GLIS3: variants seen among roughly 807,000 people sequenced by gnomAD.
The protein encoded by GLIS3 is GLIS family zinc finger 3, also known as zinc finger protein GLIS3.
In GLIS3, 53 loss-of-function variants were observed where a neutral mutation model predicts 78.6. The observed-to-expected ratio is 0.67, with a 90% CI of 0.54 to 0.85. GLIS3 has a LOEUF of 0.85. GLIS3 is among the 40% of genes least tolerant of loss of function. The probability of loss-of-function intolerance (pLI) is 0.00; values close to 1 mark genes in which losing one functional copy is unlikely to be tolerated. For missense variants in GLIS3, 1,703 were observed against 1,231.1 expected (o/e 1.38, Z -5.74); for synonymous variants, 684 against 509.9 (o/e 1.34, Z -4.60).
At chr9:4,029,614 C>G (rs1033554245) in intron 4 of GLIS3, among the ~76,000 whole-genome samples, 10 of 151,894 alleles carry the variant, frequency 6.6e-5, no homozygotes, top group Admixed American at 5.9e-4. Context: ...CACCACCCTT[C>G]TCAGCCTATG....
At chr9:4,084,897 C>T (rs1588633343) in intron 4 of GLIS3, among the ~76,000 whole-genome samples, 1 of 151,782 alleles carries the variant, frequency 6.6e-6, no homozygotes, top group East Asian at 1.9e-4. Flanking sequence ...AAGCCTCTTG[C>T]ATTCATATTG....
At chr9:3,850,571 C>G (rs550153486) in intron 9 of GLIS3, among the ~76,000 whole-genome samples, 2 of 152,184 alleles carry the variant, frequency 1.3e-5, no homozygotes, top group African/African-American at 4.8e-5. Flanking sequence ...CCAACATAAT[C>G]CCAACAGTTA....
the GLIS3 span, among the ~76,000 whole-genome samples, chr9:4,468,221 A>G: frequency 6.6e-6 from 1 of 152,368 alleles, no homozygotes; most frequent in East Asian, 1.9e-4. Context: ...GCAGGATATT[A>G]TCCAGGAGAA....
intron 7 of GLIS3, 46 bp downstream of exon 7, chr9:3,898,645 C>A (rs374704177): frequency 1.2e-6 from 2 of 1,612,616 alleles, no homozygotes; most frequent in Non-Finnish European, 1.7e-6. Context: ...GAGTAAAAGG[C>A]CTAAAAAAGG....
intron 2 of GLIS3, among the ~76,000 whole-genome samples, chr9:4,226,672 T>C (rs1417743113): frequency 6.6e-6 from 1 of 152,214 alleles, no homozygotes. Context: ...AAGCCAAGTC[T>C]CCTTAGCTGG....
intron 2 of GLIS3, among the ~76,000 whole-genome samples, chr9:4,189,291 C>T (rs1332619168): frequency 2.6e-5 from 4 of 152,104 alleles, no homozygotes; most frequent in Non-Finnish European, 4.4e-5. Context: ...GTTCAGTTTC[C>T]ATGTAGCTGA....
chr9:4,242,255 G>T (rs565656580), intron 2 of GLIS3, among the ~76,000 whole-genome samples: 1 of 152,046 alleles, frequency 6.6e-6, no homozygotes, highest in African/African-American at 2.4e-5. Context: ...ACACAGGGCC[G>T]TCTTTTATCT....
chr9:3,868,952 T>C (rs1820792888), intron 8 of GLIS3, among the ~76,000 whole-genome samples: 1 of 152,186 alleles, frequency 6.6e-6, no homozygotes, highest in African/African-American at 2.4e-5. Context: ...ATGTGCTCTT[T>C]CTGTATGCAT....
intron 4 of GLIS3, among the ~76,000 whole-genome samples, chr9:3,989,099 T>C (rs1359403296): frequency 1.3e-5 from 2 of 152,084 alleles, no homozygotes; most frequent in African/African-American, 2.4e-5. Context: ...TGGGAAAAGA[T>C]ATTTAACTAA....
intron 4 of GLIS3, among the ~76,000 whole-genome samples, chr9:4,027,807 A>G (rs1823471769): frequency 6.6e-6 from 1 of 152,174 alleles, no homozygotes; most frequent in Non-Finnish European, 1.5e-5. Flanking sequence ...CTGTCTCTAA[A>G]TGAGAACAGA....
chr9:4,426,539 C>A, the GLIS3 span, among the ~76,000 whole-genome samples: 1 of 152,242 alleles, frequency 6.6e-6, no homozygotes, highest in Admixed American at 6.5e-5. Context: ...TTCTTTAAGA[C>A]TGTGTAAAAA....
chr9:4,189,028 C>T (rs1204216779), intron 2 of GLIS3, among the ~76,000 whole-genome samples: 1 of 151,938 alleles, frequency 6.6e-6, no homozygotes, highest in African/African-American at 2.4e-5. Flanking sequence ...TTATTTCTTG[C>T]CTTCTGCTAG....
intron 4 of GLIS3, among the ~76,000 whole-genome samples, chr9:4,016,464 C>A (rs116512500): frequency 9.4e-4 from 143 of 152,266 alleles, no homozygotes; most frequent in African/African-American, 3.3e-3. Context: ...CTAAACAGAA[C>A]AAAGGGACTT....
At chr9:3,993,207 C>T (rs1820469559) in intron 4 of GLIS3, among the ~76,000 whole-genome samples, 2 of 152,140 alleles carry the variant, frequency 1.3e-5, no homozygotes, top group African/African-American at 4.8e-5. Context: ...TGACAACATA[C>T]CTGACTCTGC....
chr9:3,993,294 G>C (rs1820477996), intron 4 of GLIS3, among the ~76,000 whole-genome samples: 1 of 152,174 alleles, frequency 6.6e-6, no homozygotes, highest in Admixed American at 6.6e-5. Flanking sequence ...GGCAGTCAGA[G>C]AGGCAGGTGT....
chr9:4,263,521 A>AG (rs1491221723), intron 2 of GLIS3, among the ~76,000 whole-genome samples: 1 of 151,968 alleles, frequency 6.6e-6, no homozygotes, highest in African/African-American at 2.4e-5. Context: ...GCCAAAAAAA[A>AG]AGGAGGAAAT....
At chr9:4,172,323 G>A (rs1389883424) in intron 2 of GLIS3, among the ~76,000 whole-genome samples, 2 of 152,102 alleles carry the variant, frequency 1.3e-5, no homozygotes, top group African/African-American at 4.8e-5. Context: ...AAGGGAAGCA[G>A]GGCACCAACA....
intron 4 of GLIS3, among the ~76,000 whole-genome samples, chr9:3,993,234 T>C (rs1376197874): frequency 6.6e-6 from 1 of 152,160 alleles, no homozygotes; most frequent in Non-Finnish European, 1.5e-5. Flanking sequence ...CTCATACTGT[T>C]TGTCAGATCA....
rs60810468 is a variant in GLIS3 at position 4,320,178 on chromosome 9, A to G, written n.265-9650T>C. Among the ~76,000 whole-genome samples the G allele has an allele frequency of 2.6e-5, 4 of 152,280 alleles. No homozygotes were observed. In the East Asian group the frequency reaches 7.7e-4, roughly 29 times the overall value. On this transcript the variant is annotated intron_variant and non_coding_transcript_variant, in intron 2 of 4. Transcript: ENST00000471664. ...CCACTTTTGACATGTCATGTTTTTTATAGGTCAACAAATTCCCTTCCATTC... is the reference window on the plus strand; with the variant it reads ...CCACTTTTGACATGTCATGTTTTTTGTAGGTCAACAAATTCCCTTCCATTC...
Sources: gnomAD v4.1 joint callset for allele counts (sites outside exome capture counted in the v4.1 genomes callset) on GRCh38, gnomAD v4.1.1 for gene constraint, MANE v1.5 for transcripts, NCBI Gene and HGNC (gene_info 2026-07-23, HGNC 2026-07-21) for gene names.